ASXL3: variants seen among roughly 807,000 people sequenced by gnomAD.
The protein encoded by ASXL3 is putative Polycomb group protein ASXL3.
Under a neutral mutation model 170.6 loss-of-function variants are expected in ASXL3, and 34 were observed. The ratio of observed to expected loss-of-function variants is 0.20; its 90% CI spans 0.15 to 0.27. ASXL3 has a LOEUF of 0.27. Ranked by LOEUF, ASXL3 falls within the 10% of genes least tolerant of loss-of-function variation. ASXL3 has a pLI of 1.00. For synonymous variants in ASXL3, 1,002 were observed against 989.1 expected (o/e 1.01, Z -0.24); for missense variants, 2,592 against 2,695.3 (o/e 0.96, Z 0.85).
intron 1 of ASXL3, among the ~76,000 whole-genome samples, chr18:33,580,364 A>G (rs9807787): frequency 0.021 from 3,266 of 152,284 alleles, 67 homozygotes; most frequent in Non-Finnish European, 0.03. Flanking sequence ...ATTAATTCAG[A>G]ATTGTGTGGG....
intron 8 of ASXL3, among the ~76,000 whole-genome samples, chr18:33,705,395 T>C (rs1463755305): frequency 1.3e-5 from 2 of 151,526 alleles, no homozygotes; most frequent in East Asian, 3.9e-4. Flanking sequence ...GAAAATATTT[T>C]CCTTATATCA....
chr18:33,734,321 C>A lies in ASXL3; in HGVS notation c.988C>A (p.Pro330Thr). 6.3e-7 allele frequency: 1 copy of A among 1,598,808 alleles called. No homozygotes were observed. The highest frequency in any genetic ancestry group is 8.5e-7 in the Non-Finnish European group (1 of 1,173,654). ...CATTTTCTTTTTAGGAGAGTTTACC[C>A]CAGAAATGCAGTTGCGGATAAGGCA... ...KQRLAEGEFTPEMQLRIRQEI... is the reference protein window; with the variant it reads ...KQRLAEGEFTTEMQLRIRQEI... The change falls in exon 10 of 12, where the codon CCA becomes ACA. Residue 330 changes from proline to threonine, a missense_variant. By Grantham distance (38) the Pro-to-Thr change is conservative. Coordinates refer to ENST00000269197, the MANE Select transcript of ASXL3 (RefSeq NM_030632.3).
rs10775455 is a variant in ASXL3, at chr18:33,730,797, T to A, written c.880-1171T>A. Among the ~76,000 whole-genome samples, 568 of 152,162 alleles carry A rather than the reference T, an allele frequency of 3.7e-3. 2 individuals carry two copies. Among genetic ancestry groups the A allele is most frequent in the Non-Finnish European group, 6.1e-3 (412 of 67,994 alleles). On this transcript the variant is annotated intron_variant, in intron 8 of 11. Transcript: ENST00000269197. ...CTGCACATAGGTTCATATGAGTGGC[T>A]TAACAAGTATCTGTTGAATAAGATG...
chr18:33,671,720 T>C, intron 6 of ASXL3, 27 bp from the exon 7 acceptor site: 1 of 1,564,638 alleles, frequency 6.4e-7, no homozygotes, highest in African/African-American at 1.4e-5. Flanking sequence ...GAGAAGATAA[T>C]GACATAATAA....
intron 8 of ASXL3, among the ~76,000 whole-genome samples, chr18:33,703,460 A>C (rs189239647): frequency 2.6e-5 from 4 of 152,168 alleles, no homozygotes; most frequent in Non-Finnish European, 5.9e-5. Context: ...CCTGTCACTC[A>C]TGCGGTGGAG....
At chr18:33,642,351 T>C (rs896950409) in intron 2 of ASXL3, among the ~76,000 whole-genome samples, 1 of 151,928 alleles carries the variant, frequency 6.6e-6, no homozygotes, top group Admixed American at 6.6e-5. Flanking sequence ...TACCTTTTAA[T>C]AAGCATTTAG....
chr18:33,623,695 T>C (rs938685637), intron 2 of ASXL3, among the ~76,000 whole-genome samples: 1 of 152,182 alleles, frequency 6.6e-6, no homozygotes, highest in African/African-American at 2.4e-5. Flanking sequence ...AAATGTTTCA[T>C]GTTTCCATAA....
chr18:33,636,958 C>T (rs2065776621), intron 2 of ASXL3, among the ~76,000 whole-genome samples: 1 of 152,024 alleles, frequency 6.6e-6, no homozygotes, highest in Non-Finnish European at 1.5e-5. Flanking sequence ...CAGATTTGGG[C>T]TACTCAACCT....
intron 8 of ASXL3, among the ~76,000 whole-genome samples, chr18:33,708,330 G>A (rs1261881014): frequency 1.3e-5 from 2 of 151,966 alleles, no homozygotes; most frequent in African/African-American, 2.4e-5. Flanking sequence ...AATTGTTTCT[G>A]GGAATAAAAA....
intron 8 of ASXL3, chr18:33,683,771 A>G (rs1041304426): frequency 1.0e-5 from 5 of 476,630 alleles, no homozygotes; most frequent in African/African-American, 6.0e-5. Flanking sequence ...AAATTTTAAA[A>G]TACGGTACAT....
intron 7 of ASXL3, among the ~76,000 whole-genome samples, chr18:33,677,787 C>T (rs1028122863): frequency 2.6e-5 from 4 of 152,144 alleles, no homozygotes; most frequent in Admixed American, 6.5e-5. Flanking sequence ...GTGAAGACTA[C>T]GTGGATTCAT....
chr18:33,663,771 C>A (rs978499474), intron 5 of ASXL3, among the ~76,000 whole-genome samples: 1 of 151,982 alleles, frequency 6.6e-6, no homozygotes, highest in Non-Finnish European at 1.5e-5. Flanking sequence ...AGAATTTTGC[C>A]CAGATTCCAT....
chr18:33,653,854 A>T (rs917282062), intron 4 of ASXL3, among the ~76,000 whole-genome samples: 5 of 150,238 alleles, frequency 3.3e-5, no homozygotes, highest in African/African-American at 1.2e-4. Flanking sequence ...TAATTAAGCT[A>T]ATTTGCTCCT....
intron 8 of ASXL3, among the ~76,000 whole-genome samples, chr18:33,719,320 G>A (rs16964881): frequency 0.011 from 1,641 of 151,962 alleles, 25 homozygotes; most frequent in African/African-American, 0.037. Flanking sequence ...GCCTCGGAGA[G>A]TCCTACCTCC....
chr18:33,655,754 C>T (rs1347092973), intron 4 of ASXL3, among the ~76,000 whole-genome samples: 2 of 151,998 alleles, frequency 1.3e-5, no homozygotes, highest in African/African-American at 4.8e-5. Flanking sequence ...ATCTGATATA[C>T]ACAATTTCAA....
At chr18:33,676,222 CA>C (rs568221465) in intron 7 of ASXL3, among the ~76,000 whole-genome samples, 4,538 of 41,622 alleles carry the variant, frequency 0.11, 75 homozygotes, top group South Asian at 0.18. Flanking sequence ...GACTCCGTCT[CA>C]AAAAAAAAAA....
rs780764559 is a variant in ASXL3, at chr18:33,743,501, C to T, written c.3653C>T (p.Ser1218Leu). 4 of 1,613,436 alleles carry T rather than the reference C, an allele frequency of 2.5e-6. No individual in the cohort carries two copies. In the Admixed American group the frequency reaches 6.7e-5, roughly 27 times the overall value. ...PVSHLSEKIV[S>L]STSSENSSVP... is the part of the protein sequence containing the mutation. ...TCACATTTATCTGAGAAAATTGTTT[C>T]ATCTACCTCTTCTGAAAATAGCAGT... Residue 1218 changes from serine to leucine, a missense_variant, in exon 12 of 12, where the codon TCA becomes TTA. Physicochemically the swap from Ser to Leu is moderately radical, Grantham distance 145. Transcript: ENST00000269197.
chr18:33,669,205 A>G (rs1370476651), intron 5 of ASXL3, among the ~76,000 whole-genome samples: 1 of 152,200 alleles, frequency 6.6e-6, no homozygotes, highest in Non-Finnish European at 1.5e-5. Context: ...GCAATTATGT[A>G]TACATCTTGA....
chr18:33,660,132 C>A (rs2066148701), intron 4 of ASXL3, among the ~76,000 whole-genome samples: 1 of 152,008 alleles, frequency 6.6e-6, no homozygotes, highest in Non-Finnish European at 1.5e-5. Context: ...TTTCATTGGC[C>A]CTATGACCAT....
Sources: gnomAD v4.1 joint callset for allele counts (sites outside exome capture counted in the v4.1 genomes callset) on GRCh38, gnomAD v4.1.1 for gene constraint, MANE v1.5 for transcripts, NCBI Gene and HGNC (gene_info 2026-07-23, HGNC 2026-07-21) for gene names.